Variants in ST8SIA1 observed in about 807,000 individuals in gnomAD.
ST8SIA1 encodes ST8 alpha-N-acetyl-neuraminide alpha-2,8-sialyltransferase 1.
ST8SIA1 carries 16 observed loss-of-function variants against 35.9 expected under a neutral mutation model. The observed-to-expected ratio is 0.45, with a 90% CI of 0.30 to 0.68. The LOEUF (loss-of-function observed/expected upper bound fraction) is 0.68, where lower values mean the gene tolerates loss of function less well. ST8SIA1 is among the 30% of genes least tolerant of loss of function. ST8SIA1 has a pLI of 0.09. For missense variants in ST8SIA1, 383 were observed against 453.6 expected (o/e 0.84, Z 1.41); for synonymous variants, 170 against 169.6 (o/e 1.00, Z -0.02).
intron 2 of ST8SIA1, among the ~76,000 whole-genome samples, chr12:22,260,158 TTTC>T (rs1441178524): frequency 6.6e-6 from 1 of 151,198 alleles, no homozygotes; most frequent in Non-Finnish European, 1.5e-5. Context: ...TTTTTTCTTT[TTTC>T]TTCCTTTTTT....
At chr12:22,218,886 TC>T in intron 4 of ST8SIA1, among the ~76,000 whole-genome samples, 1 of 151,816 alleles carries the variant, frequency 6.6e-6, no homozygotes, top group East Asian at 1.9e-4. Context: ...AGTGCAGGGA[TC>T]AGTGAAAATG....
chr12:22,237,956 T>C (rs1166109413), intron 4 of ST8SIA1, among the ~76,000 whole-genome samples: 1 of 152,220 alleles, frequency 6.6e-6, no homozygotes, highest in Non-Finnish European at 1.5e-5. Context: ...GCTGTTCCTC[T>C]TTCAACCTTT....
chr12:22,233,197 A>C (rs1565573236), intron 4 of ST8SIA1, among the ~76,000 whole-genome samples: 1 of 152,242 alleles, frequency 6.6e-6, no homozygotes. Flanking sequence ...CGTACAGGTC[A>C]TACACAAAAG....
intron 1 of ST8SIA1, among the ~76,000 whole-genome samples, chr12:22,319,956 A>G (rs1475537518): frequency 6.6e-6 from 1 of 152,190 alleles, no homozygotes; most frequent in South Asian, 2.1e-4. Context: ...GGTAAGCCCC[A>G]TAAAAAGGAG....
chr12:22,310,446 G>A (rs1405868102), intron 1 of ST8SIA1, among the ~76,000 whole-genome samples: 3 of 152,138 alleles, frequency 2.0e-5, no homozygotes, highest in Non-Finnish European at 2.9e-5. Context: ...GCAAGAGTCA[G>A]TGCAATAACT....
At chr12:22,220,921 C>T (rs1296870531) in intron 4 of ST8SIA1, among the ~76,000 whole-genome samples, 1 of 152,190 alleles carries the variant, frequency 6.6e-6, no homozygotes, top group Admixed American at 6.5e-5. Context: ...TCCATGCCTG[C>T]CTTTTCTCTG....
At chr12:22,259,297 T>TA (rs71053394) in intron 2 of ST8SIA1, among the ~76,000 whole-genome samples, 10 of 152,110 alleles carry the variant, frequency 6.6e-5, no homozygotes, top group South Asian at 6.2e-4. Flanking sequence ...GGGGTTTTTT[T>TA]AAAAAAAGCC....
intron 3 of ST8SIA1, among the ~76,000 whole-genome samples, chr12:22,254,923 T>C (rs535034958): frequency 3.9e-5 from 6 of 152,316 alleles, no homozygotes; most frequent in Non-Finnish European, 8.8e-5. Context: ...ATTAAAGCAT[T>C]TATTCATAGA....
At chr12:22,231,386 T>C (rs1043788805) in intron 4 of ST8SIA1, among the ~76,000 whole-genome samples, 2 of 151,482 alleles carry the variant, frequency 1.3e-5, no homozygotes, top group Admixed American at 1.3e-4. Context: ...AGCTTTTTTT[T>C]TTCTGAGCTG....
intron 3 of ST8SIA1, among the ~76,000 whole-genome samples, chr12:22,254,166 C>G (rs945738689): frequency 2.6e-5 from 4 of 152,172 alleles, no homozygotes; most frequent in African/African-American, 7.2e-5. Context: ...GCTTCAGGGT[C>G]CACCTGAAAG....
At chr12:22,277,060 G>C (rs1318399387) in intron 2 of ST8SIA1, among the ~76,000 whole-genome samples, 1 of 152,150 alleles carries the variant, frequency 6.6e-6, no homozygotes, top group East Asian at 1.9e-4. Context: ...AATGGTTGGT[G>C]CATCCCTAAT....
At chr12:22,212,889 G>C (rs1865189881) in intron 4 of ST8SIA1, among the ~76,000 whole-genome samples, 1 of 152,136 alleles carries the variant, frequency 6.6e-6, no homozygotes. Context: ...ACTGCTCACT[G>C]CTCAGGAATC....
chr12:22,231,720 C>G (rs1865424048), intron 4 of ST8SIA1, among the ~76,000 whole-genome samples: 1 of 151,854 alleles, frequency 6.6e-6, no homozygotes, highest in Non-Finnish European at 1.5e-5. Context: ...ACTACAGGCA[C>G]CCACCACCAC....
At chr12:22,238,780 T>C (rs904635241) in intron 4 of ST8SIA1, among the ~76,000 whole-genome samples, 1 of 152,236 alleles carries the variant, frequency 6.6e-6, no homozygotes, top group Non-Finnish European at 1.5e-5. Flanking sequence ...TAATTATTGT[T>C]TTATACAGAT....
Position 22,304,593 on chromosome 12 carries a change from A to G in ST8SIA1, c.237-17300T>C, listed in dbSNP as rs550871039. Among the ~76,000 whole-genome samples, 4 of 152,046 alleles carry G rather than the reference A, an allele frequency of 2.6e-5. No homozygotes were observed. The South Asian group carries it at 8.3e-4, about 32-fold the overall frequency. On this transcript the variant is annotated intron_variant, in intron 1 of 4. Transcript: ENST00000396037. ...CAACTCTTAAACTATTTGCTTTTGT[A>G]TTTTGTTATCTGATTTATTGACTAA...
intron 2 of ST8SIA1, among the ~76,000 whole-genome samples, chr12:22,274,643 A>G (rs1865948040): frequency 6.6e-6 from 1 of 152,224 alleles, no homozygotes; most frequent in African/African-American, 2.4e-5. Flanking sequence ...ATTAGGATGA[A>G]GTCCTGCACA....
rs1456220306 is a variant in ST8SIA1 at position 22,287,252 on chromosome 12, G to C, written c.278C>G (p.Ala93Gly). The change falls in exon 2 of 5, where the codon GCT becomes GGT. Residue 93 changes from alanine (A) to glycine (G), a missense_variant. Coordinates refer to ENST00000396037, the MANE Select transcript of ST8SIA1 (RefSeq NM_003034.4). ...CATAGGGGAATTCATTTTAGTCATA[G>C]CAAAGAGATGGGCAGGGTCGCAGCA... is the stretch of plus-strand genomic sequence containing the variant. ...EDCCDPAHLF[A>G]MTKMNSPMGK... 1 of 1,613,920 alleles carries C rather than the reference G, an allele frequency of 6.2e-7. No homozygotes were observed. Among genetic ancestry groups the C allele is most frequent in the African/African-American group, 1.3e-5 (1 of 74,906 alleles).
rs1281714057 is a variant in ST8SIA1, at chr12:22,324,631, G to T, written c.236+9366C>A. 2 of 152,158 alleles carry T rather than the reference G, an allele frequency of 1.3e-5. 1 individual carries two copies. Among genetic ancestry groups the T allele is most frequent in the Non-Finnish European group, 2.9e-5 (2 of 67,982 alleles). The allele number at this position is 152,158 out of a possible 1,614,324, so 9.4% of individuals were successfully genotyped here. ...CAGAAGAATATAAACCAAAATATTAGCGATGTTTGTTAAATGTCAATTACT... is the reference window on the plus strand; with the variant it reads ...CAGAAGAATATAAACCAAAATATTATCGATGTTTGTTAAATGTCAATTACT... On this transcript the variant is annotated intron_variant, in intron 1 of 4. Coordinates refer to ENST00000396037, the MANE Select transcript of ST8SIA1 (RefSeq NM_003034.4).
chr12:22,242,576 T>C (rs1379220518), intron 4 of ST8SIA1, among the ~76,000 whole-genome samples: 1 of 152,192 alleles, frequency 6.6e-6, no homozygotes, highest in Non-Finnish European at 1.5e-5. Context: ...ATTTAAAAAA[T>C]CTTTTAAAGG....
Sources: allele counts gnomAD v4.1 joint callset (sites outside exome capture counted in the v4.1 genomes callset), GRCh38; gene constraint gnomAD v4.1.1; transcripts MANE v1.5; gene names NCBI Gene and HGNC (gene_info 2026-07-23, HGNC 2026-07-21).